The following DLGAP4 variants were observed in gnomAD, a reference collection of about 807,000 sequenced individuals.
DLGAP4 encodes DLG associated protein 4, also known as disks large-associated protein 4.
Under a neutral mutation model 86.9 loss-of-function variants are expected in DLGAP4, and 18 were observed. The ratio of observed to expected loss-of-function variants is 0.21; its 90% CI spans 0.14 to 0.31. The LOEUF (loss-of-function observed/expected upper bound fraction) is 0.31. Among genes scored for constraint, DLGAP4 ranks in the 10% least tolerant of loss-of-function variants. DLGAP4 has a pLI of 1.00. For synonymous variants in DLGAP4, 548 were observed against 574.3 expected (o/e 0.95, Z 0.65); for missense variants, 1,085 against 1,362.6 (o/e 0.80, Z 3.21).
chr20:36,364,076 TTTTTGTTTTG>T (rs373720701), intron 1 of DLGAP4, among the ~76,000 whole-genome samples: 19 of 152,268 alleles, frequency 1.2e-4, no homozygotes, highest in Middle Eastern at 3.4e-3. Flanking sequence ...TTGCAGAATC[TTTTTGTTTTG>T]TTTTGTTTTG....
chr20:36,320,161 T>TCCTCTCCCAGGCCCCCCTCTGTGTCTC (rs1569453819), intron 1 of DLGAP4, among the ~76,000 whole-genome samples: 1 of 30,156 alleles, frequency 3.3e-5, no homozygotes, highest in African/African-American at 1.5e-4. Context: ...CTCTGTGTCT[T>TCCTCTCCCAGGCCCCCCTCTGTGTCTC]TCTCTCCCAG....
chr20:36,411,017 G>A (rs997022567), intron 2 of DLGAP4, among the ~76,000 whole-genome samples: 1 of 152,170 alleles, frequency 6.6e-6, no homozygotes, highest in Non-Finnish European at 1.5e-5. Context: ...TTGAGACAGA[G>A]TCTTGTTCTG....
intron 2 of DLGAP4, among the ~76,000 whole-genome samples, chr20:36,416,439 A>G (rs1437066817): frequency 6.6e-6 from 1 of 152,208 alleles, no homozygotes; most frequent in African/African-American, 2.4e-5. Context: ...GACATTTTTG[A>G]GAATGAAACA....
chr20:36,380,246 CAAA>C (rs869027808), intron 2 of DLGAP4, among the ~76,000 whole-genome samples: 1 of 124,494 alleles, frequency 8.0e-6, no homozygotes, highest in Admixed American at 8.2e-5. Context: ...ACAAAAAATA[CAAA>C]AAAAAAAAAA....
At chr20:36,307,872 C>A (rs1555889630) in intron 1 of DLGAP4, among the ~76,000 whole-genome samples, 1 of 152,232 alleles carries the variant, frequency 6.6e-6, no homozygotes, top group Admixed American at 6.5e-5. Context: ...ACAGGACCAT[C>A]TCCTAGAATG....
chr20:36,419,056 C>T (rs1266343373), intron 2 of DLGAP4, among the ~76,000 whole-genome samples: 2 of 152,076 alleles, frequency 1.3e-5, no homozygotes, highest in Non-Finnish European at 2.9e-5. Context: ...AGAGAGGTGA[C>T]TTCAGCCATT....
intron 2 of DLGAP4, among the ~76,000 whole-genome samples, chr20:36,368,286 G>C (rs1482387003): frequency 6.6e-6 from 1 of 152,132 alleles, no homozygotes; most frequent in Non-Finnish European, 1.5e-5. Flanking sequence ...CCTCAGCAAG[G>C]TGGCCAGCCC....
chr20:36,415,437 T>C (rs1303530474), intron 2 of DLGAP4, among the ~76,000 whole-genome samples: 1 of 152,178 alleles, frequency 6.6e-6, no homozygotes, highest in African/African-American at 2.4e-5. Context: ...ATAGAGACAG[T>C]GCCCGGCCCT....
intron 2 of DLGAP4, among the ~76,000 whole-genome samples, chr20:36,399,581 A>C (rs1454905320): frequency 6.6e-6 from 1 of 152,234 alleles, no homozygotes. Flanking sequence ...GGGGAGGGGC[A>C]GGGAAGCCTG....
At chr20:36,317,276 T>TTTCTTTCTTTCTTTC (rs1262446466) in intron 1 of DLGAP4, among the ~76,000 whole-genome samples, 1 of 8,954 alleles carries the variant, frequency 1.1e-4, no homozygotes. Context: ...TCTTTCTTTC[T>TTTCTTTCTTTCTTTC]TATCTTTCTT....
At chr20:36,461,756 C>CCCGT in intron 7 of DLGAP4, 9 of 498,922 alleles carry the variant, frequency 1.8e-5, no homozygotes, top group South Asian at 1.4e-4. Context: ...CGTCCGCCCG[C>CCCGT]CCGCCCGCCC....
chr20:36,309,112 C>A (rs1326652475), intron 1 of DLGAP4, among the ~76,000 whole-genome samples: 3 of 152,162 alleles, frequency 2.0e-5, no homozygotes, highest in Non-Finnish European at 4.4e-5. Context: ...CCTGAACATC[C>A]CCAGCCCCCT....
intron 7 of DLGAP4, among the ~76,000 whole-genome samples, chr20:36,457,352 G>A (rs2033902967): frequency 6.6e-6 from 1 of 151,624 alleles, no homozygotes. Context: ...CTGAGTAGCT[G>A]GGACTACAGG....
At chr20:36,392,956 C>T (rs1170015764) in intron 2 of DLGAP4, among the ~76,000 whole-genome samples, 1 of 151,502 alleles carries the variant, frequency 6.6e-6, no homozygotes, top group Non-Finnish European at 1.5e-5. Flanking sequence ...ACACGAGGGT[C>T]TGGGGCAGAG....
chr20:36,496,653 T>C (rs1358460070), intron 7 of DLGAP4, 52 bp from the exon 8 acceptor site: 1 of 1,557,098 alleles, frequency 6.4e-7, no homozygotes, highest in East Asian at 2.3e-5. Context: ...TTGAGAGGGT[T>C]GGGGGCTTCA....
At chr20:36,323,072 G>T (rs1555890711) in intron 1 of DLGAP4, among the ~76,000 whole-genome samples, 1 of 151,334 alleles carries the variant, frequency 6.6e-6, no homozygotes, top group East Asian at 1.9e-4. Flanking sequence ...CTACTCAGGA[G>T]GAGGCTGAGG....
intron 2 of DLGAP4, among the ~76,000 whole-genome samples, chr20:36,425,310 C>G (rs966069233): frequency 3.9e-5 from 6 of 152,182 alleles, no homozygotes; most frequent in Non-Finnish European, 8.8e-5. Flanking sequence ...TACAGACAGC[C>G]AATAAGCACA....
At chr20:36,405,816 C>G (rs1319444923) in intron 2 of DLGAP4, among the ~76,000 whole-genome samples, 4 of 152,126 alleles carry the variant, frequency 2.6e-5, no homozygotes, top group Non-Finnish European at 5.9e-5. Flanking sequence ...TCCAGGCCCA[C>G]ATGGACTCCA....
At chr20:36,319,479 A>C (rs1477951403) in intron 1 of DLGAP4, among the ~76,000 whole-genome samples, 1 of 151,822 alleles carries the variant, frequency 6.6e-6, no homozygotes, top group Non-Finnish European at 1.5e-5. Flanking sequence ...ACACCCGCAC[A>C]CCCCCCGGAA....
Sources: gnomAD v4.1 joint callset for allele counts (sites outside exome capture counted in the v4.1 genomes callset) on GRCh38, gnomAD v4.1.1 for gene constraint, MANE v1.5 for transcripts, NCBI Gene and HGNC (gene_info 2026-07-23, HGNC 2026-07-21) for gene names.